RBFOX1: variants seen among roughly 807,000 people sequenced by gnomAD.
The protein encoded by RBFOX1 is RNA binding protein fox-1 homolog 1.
RBFOX1 carries 8 observed loss-of-function variants against 57.7 expected under a neutral mutation model. The observed-to-expected ratio is 0.14, with a 90% CI of 0.08 to 0.25. The LOEUF is 0.25. Among genes scored for constraint, RBFOX1 ranks in the 10% least tolerant of loss-of-function variants. The pLI is 1.00. For synonymous variants in RBFOX1, 326 were observed against 222.4 expected (o/e 1.47, Z -4.15); for missense variants, 611 against 548.5 (o/e 1.11, Z -1.14).
At chr16:7,546,125 G>A (rs1314186300) in intron 5 of RBFOX1, among the ~76,000 whole-genome samples, 4 of 151,822 alleles carry the variant, frequency 2.6e-5, no homozygotes, top group African/African-American at 9.7e-5. Flanking sequence ...TCAGGAGTTC[G>A]AGACCAGCCT....
At chr16:7,099,383 C>T (rs11639580) in intron 4 of RBFOX1, among the ~76,000 whole-genome samples, 10,027 of 152,046 alleles carry the variant, frequency 0.066, 552 homozygotes, top group East Asian at 0.26. Flanking sequence ...TTATTTAACC[C>T]CTCTTTAAAA....
chr16:5,509,172 T>C (rs558568041), intron 2 of RBFOX1, among the ~76,000 whole-genome samples: 7 of 152,152 alleles, frequency 4.6e-5, no homozygotes, highest in African/African-American at 1.7e-4. Context: ...CCACTGGGAT[T>C]TGTACTTTGA....
intron 4 of RBFOX1, among the ~76,000 whole-genome samples, chr16:5,972,117 C>G (rs968384074): frequency 6.6e-6 from 1 of 152,246 alleles, no homozygotes; most frequent in African/African-American, 2.4e-5. Context: ...CTCCAGCATG[C>G]TGACTCATCC....
intron 4 of RBFOX1, among the ~76,000 whole-genome samples, chr16:5,928,446 G>T (rs2058979807): frequency 6.6e-6 from 1 of 151,808 alleles, no homozygotes; most frequent in South Asian, 2.1e-4. Context: ...TGATGGATAT[G>T]CTAATTAGCT....
At chr16:6,256,812 T>C (rs555071605) in intron 1 of RBFOX1, among the ~76,000 whole-genome samples, 24 of 152,258 alleles carry the variant, frequency 1.6e-4, no homozygotes, top group African/African-American at 5.5e-4. Flanking sequence ...TCACCTTTGG[T>C]TGAGAAACTC....
intron 3 of RBFOX1, among the ~76,000 whole-genome samples, chr16:5,670,862 T>C (rs565703230): frequency 4.1e-4 from 62 of 152,344 alleles, no homozygotes; most frequent in African/African-American, 1.3e-3. Flanking sequence ...ATTTTTTTCA[T>C]TGCATTGTCT....
intron 3 of RBFOX1, among the ~76,000 whole-genome samples, chr16:5,654,481 C>A (rs1292564791): frequency 6.6e-6 from 1 of 152,112 alleles, no homozygotes; most frequent in East Asian, 1.9e-4. Context: ...TCTCACCTGT[C>A]CTTCTTCCTT....
intron 2 of RBFOX1, among the ~76,000 whole-genome samples, chr16:6,385,620 G>C (rs1161079340): frequency 6.6e-6 from 1 of 152,168 alleles, no homozygotes. Context: ...TCGGCCTCCC[G>C]ATGTGCTGGG....
chr16:7,438,638 C>T (rs1395873807), intron 4 of RBFOX1, among the ~76,000 whole-genome samples: 1 of 152,148 alleles, frequency 6.6e-6, no homozygotes, highest in Non-Finnish European at 1.5e-5. Flanking sequence ...CAGGCTAATG[C>T]ATTCTCTTAC....
intron 1 of RBFOX1, among the ~76,000 whole-genome samples, chr16:5,252,083 A>G (rs2062466822): frequency 1.3e-5 from 2 of 152,158 alleles, no homozygotes; most frequent in African/African-American, 4.8e-5. Context: ...GGACACCTCC[A>G]AGCCCAGCTT....
At chr16:6,612,123 G>T (rs996593687) in intron 2 of RBFOX1, among the ~76,000 whole-genome samples, 1 of 151,954 alleles carries the variant, frequency 6.6e-6, no homozygotes, top group Non-Finnish European at 1.5e-5. Flanking sequence ...ATGCATCTAG[G>T]GATTATCCCT....
At chr16:6,209,911 C>T (rs543155192) in intron 1 of RBFOX1, among the ~76,000 whole-genome samples, 1 of 152,318 alleles carries the variant, frequency 6.6e-6, no homozygotes, top group Admixed American at 6.5e-5. Flanking sequence ...TAAGCATCTG[C>T]TGCTATTATT....
chr16:6,969,912 AGTCT>A (rs907291152), intron 3 of RBFOX1, among the ~76,000 whole-genome samples: 1 of 152,154 alleles, frequency 6.6e-6, no homozygotes, highest in Non-Finnish European at 1.5e-5. Flanking sequence ...CTCTTTCAGT[AGTCT>A]GTCATAGATT....
chr16:6,971,960 C>G (rs1473391654), intron 3 of RBFOX1, among the ~76,000 whole-genome samples: 1 of 152,058 alleles, frequency 6.6e-6, no homozygotes, highest in Non-Finnish European at 1.5e-5. Context: ...TGTGAATGAG[C>G]ATGGAGTCCG....
In RBFOX1 at chr16:5,866,861, G is replaced by T. The variant is rs553682808; in HGVS notation, c.319-442G>T. ...TTTTGAGGAATTTTGCAAACATGAA[G>T]CTGCTGCTGTTGCTGTCATTGTAGC... On this transcript the variant is annotated intron_variant, in intron 3 of 19. Transcript: ENST00000641259. Among the ~76,000 whole-genome samples, 4 of 152,248 alleles carry T rather than the reference G, an allele frequency of 2.6e-5. No individual in the cohort carries two copies. The South Asian group carries it at 8.3e-4, about 32-fold the overall frequency.
At chr16:7,686,353 C>A (rs573106415) in intron 14 of RBFOX1, among the ~76,000 whole-genome samples, 1 of 152,014 alleles carries the variant, frequency 6.6e-6, no homozygotes. Flanking sequence ...AATATCCTAT[C>A]CTTCTTTTTC....
At chr16:6,882,301 T>A (rs2063110995) in intron 3 of RBFOX1, among the ~76,000 whole-genome samples, 1 of 152,156 alleles carries the variant, frequency 6.6e-6, no homozygotes, top group Admixed American at 6.5e-5. Flanking sequence ...ACCTGTGCAC[T>A]GGGTCTCATC....
At chr16:7,108,150 G>A (rs924149680) in intron 4 of RBFOX1, among the ~76,000 whole-genome samples, 3 of 152,052 alleles carry the variant, frequency 2.0e-5, no homozygotes, top group Admixed American at 6.6e-5. Context: ...TACATTTCAG[G>A]AAAATTGTGC....
At chr16:6,813,176 C>T (rs757958133) in intron 3 of RBFOX1, among the ~76,000 whole-genome samples, 1 of 151,838 alleles carries the variant, frequency 6.6e-6, no homozygotes, top group Non-Finnish European at 1.5e-5. Context: ...ACAATGACTT[C>T]CTATAACAAA....
Sources: gnomAD v4.1 joint callset for allele counts (sites outside exome capture counted in the v4.1 genomes callset) on GRCh38, gnomAD v4.1.1 for gene constraint, MANE v1.5 for transcripts, NCBI Gene and HGNC (gene_info 2026-07-23, HGNC 2026-07-21) for gene names.